The following SCRG1 variants were observed in gnomAD, a reference collection of about 807,000 sequenced individuals.
SCRG1 encodes stimulator of chondrogenesis 1, also known as scrapie-responsive protein 1.
SCRG1 carries 3 observed loss-of-function variants against 7.7 expected under a neutral mutation model. The observed-to-expected ratio is 0.39, with a 90% confidence interval of 0.18 to 1.01. SCRG1 has a LOEUF of 1.01. Ranked by LOEUF, SCRG1 falls within the 50% of genes least tolerant of loss-of-function variation. The probability of loss-of-function intolerance (pLI) is 0.36; values close to 1 mark genes in which losing one functional copy is unlikely to be tolerated. For missense variants in SCRG1, 110 were observed against 117.2 expected (o/e 0.94, Z 0.28); for synonymous variants, 46 against 41.2 (o/e 1.12, Z -0.44).
At chr4:173,484,043 T>C in the SCRG1 span, among the ~76,000 whole-genome samples, 9 of 73,828 alleles carry the variant, frequency 1.2e-4, no homozygotes, top group Non-Finnish European at 1.8e-4. Flanking sequence ...TATATAATTA[T>C]AAATATAATA....
chr4:173,481,576 C>T, the SCRG1 span, among the ~76,000 whole-genome samples: 3 of 151,938 alleles, frequency 2.0e-5, no homozygotes, highest in African/African-American at 4.8e-5. Context: ...TCTCCTGCCT[C>T]CCCCTCCACA....
At chr4:173,464,329 C>A in the SCRG1 span, among the ~76,000 whole-genome samples, 3 of 152,072 alleles carry the variant, frequency 2.0e-5, no homozygotes, top group Non-Finnish European at 4.4e-5. Context: ...CATGGCTGTC[C>A]ATAAAACAGG....
the SCRG1 span, among the ~76,000 whole-genome samples, chr4:173,482,535 G>A: frequency 6.6e-6 from 1 of 152,120 alleles, no homozygotes; most frequent in Non-Finnish European, 1.5e-5. Context: ...AAAGGCAGAA[G>A]CACAGGGCAC....
chr4:173,510,998 G>C, the SCRG1 span, among the ~76,000 whole-genome samples: 465 of 152,202 alleles, frequency 3.1e-3, no homozygotes, highest in African/African-American at 0.011. This position sits in a 1 kb window ranked among gnomAD's most constrained non-coding sequence, Gnocchi z 5.7. Flanking sequence ...ACGGAGTCTC[G>C]CTCTGTCTCC....
the SCRG1 span, among the ~76,000 whole-genome samples, chr4:173,411,679 TGTAGCTTA>T: frequency 6.6e-6 from 1 of 152,264 alleles, no homozygotes; most frequent in Non-Finnish European, 1.5e-5. Flanking sequence ...TACAGTGTAA[TGTAGCTTA>T]CAAGGCAACA....
the SCRG1 span, among the ~76,000 whole-genome samples, chr4:173,440,534 T>G: frequency 6.6e-6 from 1 of 152,210 alleles, no homozygotes; most frequent in Non-Finnish European, 1.5e-5. Context: ...GCTATGCTTT[T>G]CTCTCCAAGA....
the SCRG1 span, among the ~76,000 whole-genome samples, chr4:173,479,278 T>C: frequency 6.6e-6 from 1 of 152,064 alleles, no homozygotes; most frequent in Non-Finnish European, 1.5e-5. Flanking sequence ...CCAATAGATA[T>C]ATGAGAAGAA....
At chr4:173,407,243 G>A (rs959281395), upstream of SCRG1, among the ~76,000 whole-genome samples, 1 of 144,322 alleles carries the variant, frequency 6.9e-6, no homozygotes, top group Non-Finnish European at 1.5e-5. Flanking sequence ...GGGGCTGGAT[G>A]CGGTGGCTCA....
the SCRG1 span, among the ~76,000 whole-genome samples, chr4:173,438,411 CTCTG>C: frequency 6.6e-6 from 1 of 152,164 alleles, no homozygotes; most frequent in Non-Finnish European, 1.5e-5. Flanking sequence ...GCGTAAGCCA[CTCTG>C]TCTGACCAAC....
chr4:173,401,310 G>A (rs1739756468), upstream of SCRG1, among the ~76,000 whole-genome samples: 1 of 152,208 alleles, frequency 6.6e-6, no homozygotes. Context: ...TACACAGATG[G>A]AGTTAATTTG....
chr4:173,491,214 TCTC>T, the SCRG1 span, among the ~76,000 whole-genome samples: 135 of 105,006 alleles, frequency 1.3e-3, 1 homozygote, highest in Non-Finnish European at 1.4e-3. Context: ...TCTCTCTCTC[TCTC>T]TTTTTTTTTT....
chr4:173,401,462 C>T (rs1393186777), upstream of SCRG1, among the ~76,000 whole-genome samples: 1 of 152,164 alleles, frequency 6.6e-6, no homozygotes, highest in African/African-American at 2.4e-5. Context: ...AATCAACATT[C>T]CCTGTAGATG....
chr4:173,488,791 A>T, the SCRG1 span, among the ~76,000 whole-genome samples: 1 of 152,232 alleles, frequency 6.6e-6, no homozygotes, highest in East Asian at 1.9e-4. Context: ...ATGTAGAAAA[A>T]TGATGTCAAA....
chr4:173,484,503 T>A, the SCRG1 span, among the ~76,000 whole-genome samples: 131 of 39,668 alleles, frequency 3.3e-3, no homozygotes, highest in African/African-American at 0.01. Context: ...ATAATATATA[T>A]TATATATTAT....
chr4:173,389,345 C>T (rs143613648), intron 2 of SCRG1, among the ~76,000 whole-genome samples: 1,676 of 152,106 alleles, frequency 0.011, 19 homozygotes, highest in South Asian at 0.023. Flanking sequence ...CCATCCTGAC[C>T]AACACGGTGA....
the SCRG1 span, among the ~76,000 whole-genome samples, chr4:173,439,771 A>C: frequency 2.0e-5 from 3 of 152,206 alleles, no homozygotes; most frequent in South Asian, 6.2e-4. Flanking sequence ...TGGCAAAAGC[A>C]CGGGCATGTG....
chr4:173,413,306 G>A, the SCRG1 span, among the ~76,000 whole-genome samples: 1 of 152,158 alleles, frequency 6.6e-6, no homozygotes, highest in Non-Finnish European at 1.5e-5. Context: ...TGTGAGGATA[G>A]GCAGGGCAGT....
intron 1 of SCRG1, among the ~76,000 whole-genome samples, chr4:173,392,361 C>G (rs575935148): frequency 6.6e-6 from 1 of 152,202 alleles, no homozygotes; most frequent in Admixed American, 6.5e-5. Context: ...GCGTTATAAT[C>G]ATCTAGCCTT....
chr4:173,439,885 C>A, the SCRG1 span, among the ~76,000 whole-genome samples: 1 of 152,176 alleles, frequency 6.6e-6, no homozygotes, highest in East Asian at 1.9e-4. Context: ...GGACACGTCA[C>A]ACTGTCTTCA....
Sources: gnomAD v4.1 joint callset for allele counts (sites outside exome capture counted in the v4.1 genomes callset) on GRCh38, gnomAD v4.1.1 for gene constraint, Gnocchi (gnomAD v3.1) non-coding constraint, MANE v1.5 for transcripts, NCBI Gene and HGNC (gene_info 2026-07-23, HGNC 2026-07-21) for gene names.